Variants in MON2 observed in about 807,000 individuals in gnomAD.
The protein encoded by MON2 is MON2 regulator of endosome-to-Golgi trafficking, also known as protein MON2 homolog.
A neutral mutation model predicts 208.6 loss-of-function variants in MON2; 84 were observed. That is an observed-to-expected ratio of 0.40 (90% confidence interval 0.34 to 0.48). The LOEUF (loss-of-function observed/expected upper bound fraction) is 0.48. Ranked by LOEUF, MON2 falls within the 20% of genes least tolerant of loss-of-function variation. MON2 has a pLI of 0.59. For synonymous variants in MON2, 660 were observed against 694.0 expected (o/e 0.95, Z 0.77); for missense variants, 1,611 against 2,015.4 (o/e 0.80, Z 3.84).
At chr12:62,543,453 A>G (rs112724535) in intron 20 of MON2, among the ~76,000 whole-genome samples, 10 of 152,326 alleles carry the variant, frequency 6.6e-5, no homozygotes, top group African/African-American at 1.4e-4. Context: ...GTCAGCTGTT[A>G]CCTTGAGATG....
At chr12:62,562,639 G>C (rs1049939268) in intron 26 of MON2, among the ~76,000 whole-genome samples, 1 of 151,952 alleles carries the variant, frequency 6.6e-6, no homozygotes, top group African/African-American at 2.4e-5. Context: ...TTTTTCCACA[G>C]ATGTAAGAAA....
chr12:62,538,510 G>T lies in MON2; in HGVS notation c.2364+5G>T. On this transcript the variant is annotated splice_donor_5th_base_variant and intron_variant, in intron 19 of 34. Transcript: ENST00000393630. ...ATGGCCTATGGAAATAATAAGGTGT[G>T]ATATTCTACCTTTCTGTTTTAGATA... The T allele has an allele frequency of 6.4e-7, 1 of 1,550,402 alleles. No individual in the cohort carries two copies. The highest frequency in any genetic ancestry group is 1.1e-5 in the South Asian group (1 of 89,512).
chr12:62,509,531 T>C (rs569564751), intron 8 of MON2, among the ~76,000 whole-genome samples: 2 of 152,312 alleles, frequency 1.3e-5, no homozygotes, highest in African/African-American at 4.8e-5. Context: ...CGAACAACAC[T>C]GTAGAACAGT....
At chr12:62,579,136 C>T (rs1486488711) in intron 31 of MON2, among the ~76,000 whole-genome samples, 1 of 150,940 alleles carries the variant, frequency 6.6e-6, no homozygotes, top group Non-Finnish European at 1.5e-5. Context: ...CCTAGTTTCT[C>T]GGGAGACTGA....
intron 11 of MON2, among the ~76,000 whole-genome samples, chr12:62,526,840 T>C (rs2072355028): frequency 6.6e-6 from 1 of 152,134 alleles, no homozygotes; most frequent in African/African-American, 2.4e-5. Context: ...ATTAAAACTA[T>C]CCTTGGCCAG....
In MON2 at chr12:62,508,266, T is replaced by G. The variant is rs1172921412; in HGVS notation, c.790-20T>G. The G allele has an allele frequency of 6.3e-7, 1 of 1,586,602 alleles. No individual in the cohort carries two copies. Among genetic ancestry groups the G allele is most frequent in the Non-Finnish European group, 8.6e-7 (1 of 1,163,346 alleles). On this transcript the variant is annotated intron_variant, in intron 7 of 34. Coordinates refer to ENST00000393630, the MANE Select transcript of MON2 (RefSeq NM_015026.3). ...AAATAAAGTTAATTATTTTTTTCTTTCTTTTTTCCTTGCAAATAGCACCAA... is the reference window on the plus strand; with the variant it reads ...AAATAAAGTTAATTATTTTTTTCTTGCTTTTTTCCTTGCAAATAGCACCAA...
rs150277877 is a variant in MON2 at position 62,566,351 on chromosome 12, G to A, written c.4224G>A (p.Pro1408=). Residue 1408 remains proline, a synonymous_variant, in exon 29 of 35, where the codon CCG becomes CCA. Coordinates refer to ENST00000393630, the MANE Select transcript of MON2 (RefSeq NM_015026.3). ...PAEWVALNYV[P]FAERSLEVVV... is the part of the protein sequence containing the mutation. ...AATGGGTAGCCTTGAATTATGTGCC[G>A]TTTGCTGAAAGGTCTTTAGAAGTAG... 28 of 1,612,830 alleles carry A rather than the reference G, an allele frequency of 1.7e-5. 1 individual carries two copies. Among genetic ancestry groups the A allele is most frequent in the Admixed American group, 1.2e-4 (7 of 59,878 alleles).
At chr12:62,547,101 A>G (rs772515086) in intron 22 of MON2, 29 bp downstream of exon 22, 1 of 1,339,574 alleles carries the variant, frequency 7.5e-7, no homozygotes, top group East Asian at 2.8e-5. Context: ...TTGAGAAAAA[A>G]TATGTATGAA....
intron 5 of MON2, among the ~76,000 whole-genome samples, chr12:62,499,473 G>A (rs932362860): frequency 3.3e-5 from 5 of 152,080 alleles, no homozygotes; most frequent in Admixed American, 6.6e-5. Context: ...GGTTTCCTAC[G>A]TATCTTTTTG....
rs776062821 is a variant in MON2, at chr12:62,566,323, C to T, written c.4196C>T (p.Ala1399Val). The T allele has an allele frequency of 8.7e-6, 14 of 1,605,270 alleles. No homozygotes were observed. The highest frequency in any genetic ancestry group is 4.5e-5 in the East Asian group (2 of 44,748). Residue 1399 changes from alanine (A) to valine (V), a missense_variant and splice_region_variant, in exon 29 of 35, where the codon GCG becomes GTG. Ala to Val is a moderately conservative substitution (Grantham distance 64). Transcript: ENST00000393630. ...GCATGTGAAAATATTACTTTCTAGG[C>T]GGAATGGGTAGCCTTGAATTATGTG... ...KYNQIQLFAP[A>V]EWVALNYVPF...
In MON2 at chr12:62,596,992, C is replaced by A. The variant is rs1451637524; in HGVS notation, c.*4243C>A. On this transcript the variant is annotated 3_prime_UTR_variant, in exon 35 of 35. Transcript: ENST00000393630. The stretch of plus-strand genomic sequence containing the variant: ...GCAATGATGGACAGAGATGCTACTT[C>A]TTATTTAACTCTAGGCATGTTGACT... 1 of 152,158 alleles carries A rather than the reference C, an allele frequency of 6.6e-6. No homozygotes were observed. The highest frequency in any genetic ancestry group is 1.5e-5 in the Non-Finnish European group (1 of 68,012). The allele number at this position is 152,158 out of a possible 1,614,324, so 9.4% of individuals were successfully genotyped here.
intron 1 of MON2, among the ~76,000 whole-genome samples, chr12:62,480,615 A>G (rs2069363927): frequency 6.6e-6 from 1 of 152,216 alleles, no homozygotes; most frequent in African/African-American, 2.4e-5. Context: ...GTGTTTGCAT[A>G]AAGATATTTA....
At chr12:62,498,869 G>A (rs1381402691) in intron 4 of MON2, 50 bp from the exon 5 acceptor site, 2 of 1,535,750 alleles carry the variant, frequency 1.3e-6, no homozygotes, top group South Asian at 1.3e-5. Flanking sequence ...TAAAGATAAT[G>A]GCTTTGCTTT....
intron 1 of MON2, among the ~76,000 whole-genome samples, chr12:62,477,227 A>G (rs570195503): frequency 1.4e-4 from 22 of 152,104 alleles, no homozygotes; most frequent in African/African-American, 4.6e-4. Flanking sequence ...AACTTTTGTG[A>G]AAAAAAAGTA....
At chr12:62,517,045 G>A (rs1460723168) in intron 8 of MON2, among the ~76,000 whole-genome samples, 3 of 152,140 alleles carry the variant, frequency 2.0e-5, no homozygotes, top group Non-Finnish European at 4.4e-5. Flanking sequence ...AAATCAGGTG[G>A]CCAGGTCATA....
At chr12:62,471,511 G>A (rs12810119) in intron 1 of MON2, among the ~76,000 whole-genome samples, 55,274 of 152,084 alleles carry the variant, frequency 0.36, 10,226 homozygotes, top group African/African-American at 0.41. Flanking sequence ...AGATTTATGT[G>A]TGACATCCAA....
chr12:62,477,970 G>A (rs982321530), intron 1 of MON2, among the ~76,000 whole-genome samples: 4 of 152,180 alleles, frequency 2.6e-5, no homozygotes, highest in Non-Finnish European at 4.4e-5. Context: ...GCAGAACCAA[G>A]AGAATGGCAG....
intron 2 of MON2, among the ~76,000 whole-genome samples, chr12:62,488,540 A>G (rs2069928313): frequency 6.6e-6 from 1 of 152,170 alleles, no homozygotes; most frequent in African/African-American, 2.4e-5. Flanking sequence ...TGAGTCAGGG[A>G]AGTGACACGT....
Position 62,502,491 on chromosome 12 carries a change from C to CT in MON2, c.789+802dup, listed in dbSNP as rs1028871316. On this transcript the variant is annotated intron_variant, in intron 7 of 34. Transcript: ENST00000393630. ...CATATAACAGTTTAGTGTTACATTA[C>CT]TTTTTTTTTAGTGCCTTAGCATTTT... Among the ~76,000 whole-genome samples, 4 of 149,142 alleles carry CT rather than the reference C, an allele frequency of 2.7e-5. No homozygotes were observed. In the East Asian group the frequency reaches 7.8e-4, roughly 29 times the overall value.
Sources: allele counts gnomAD v4.1 joint callset (sites outside exome capture counted in the v4.1 genomes callset), GRCh38; gene constraint gnomAD v4.1.1; transcripts MANE v1.5; gene names NCBI Gene and HGNC (gene_info 2026-07-23, HGNC 2026-07-21).